Variants in UQCC1 observed in about 807,000 individuals in gnomAD.
The protein encoded by UQCC1 is ubiquinol-cytochrome c reductase complex assembly factor 1, also known as bFGF-repressed Zic-binding protein.
Under a neutral mutation model 48.0 loss-of-function variants are expected in UQCC1, and 38 were observed. That is an observed-to-expected ratio of 0.79 (90% confidence interval 0.61 to 1.04). UQCC1 has a LOEUF of 1.04. Among genes scored for constraint, UQCC1 ranks in the 50% least tolerant of loss-of-function variants. The pLI, the probability that UQCC1 is intolerant of heterozygous loss-of-function variation, is 0.00. For missense variants in UQCC1, 368 were observed against 381.8 expected, an observed-to-expected ratio of 0.96 and a Z score of 0.30; for synonymous variants, 111 against 129.2, an observed-to-expected ratio of 0.86 and a Z score of 0.95.
intron 1 of UQCC1, among the ~76,000 whole-genome samples, chr20:35,400,942 T>C (rs1242868097): frequency 6.6e-6 from 1 of 152,202 alleles, no homozygotes; most frequent in African/African-American, 2.4e-5. Context: ...ACAGGCCTGT[T>C]TCTGCATGTG....
intron 2 of UQCC1, chr20:35,386,376 T>C (rs1400564657): frequency 4.4e-6 from 2 of 452,592 alleles, no homozygotes; most frequent in African/African-American, 4.0e-5. Context: ...GAAAATGATT[T>C]TTTTTCTTTA....
chr20:35,336,878 T>C (rs1458792208), intron 7 of UQCC1, among the ~76,000 whole-genome samples: 1 of 152,216 alleles, frequency 6.6e-6, no homozygotes, highest in Non-Finnish European at 1.5e-5. Flanking sequence ...CAATAAATGT[T>C]AGCTATTACT....
chr20:35,384,081 C>T lies in UQCC1; in HGVS notation c.182G>A (p.Gly61Glu), dbSNP rs1217605856. Residue 61 changes from glycine (G) to glutamate (E), a missense_variant, in exon 3 of 10, where the codon GGA becomes GAA. Coordinates refer to ENST00000374385, the MANE Select transcript of UQCC1 (RefSeq NM_018244.5). The stretch of plus-strand genomic sequence containing the variant: ...CTTCCTATTCAGCTGTATGTCTATT[C>T]CAGGAATCTGTTCTGATCCACCACA... ...RACGGSEQIP[G>E]IDIQLNRKYH... The T allele has an allele frequency of 6.2e-7, 1 of 1,612,994 alleles. No individual in the cohort carries two copies. The highest frequency in any genetic ancestry group is 2.2e-5 in the East Asian group (1 of 44,874).
chr20:35,333,956 G>A (rs1329551131), intron 7 of UQCC1, among the ~76,000 whole-genome samples: 1 of 152,184 alleles, frequency 6.6e-6, no homozygotes, highest in African/African-American at 2.4e-5. Context: ...CTCTCCTGAA[G>A]GCCGGGGGCT....
intron 6 of UQCC1, among the ~76,000 whole-genome samples, chr20:35,349,540 C>T (rs1013063864): frequency 5.3e-5 from 8 of 152,122 alleles, no homozygotes; most frequent in Non-Finnish European, 1.0e-4. Flanking sequence ...TTGTTATACT[C>T]AACACAAACC....
intron 2 of UQCC1, among the ~76,000 whole-genome samples, chr20:35,389,330 C>T (rs1166152180): frequency 3.3e-5 from 5 of 151,866 alleles, no homozygotes; most frequent in African/African-American, 1.2e-4. Context: ...TTTGGGAGAC[C>T]GAGGCGCATA....
At chr20:35,378,126 T>C (rs553351220) in intron 4 of UQCC1, among the ~76,000 whole-genome samples, 12 of 152,320 alleles carry the variant, frequency 7.9e-5, no homozygotes, top group Non-Finnish European at 1.6e-4. Flanking sequence ...GTTGTTCTGG[T>C]CCTTGGATGA....
intron 2 of UQCC1, among the ~76,000 whole-genome samples, chr20:35,385,751 T>C (rs1237445779): frequency 2.6e-5 from 4 of 152,046 alleles, no homozygotes; most frequent in Admixed American, 6.6e-5. Flanking sequence ...GTGATCTTCC[T>C]GCCTTGAACT....
chr20:35,401,658 C>CTTTTTT lies in UQCC1; in HGVS notation c.25-7468_25-7463dup, dbSNP rs142034321. On this transcript the variant is annotated intron_variant, in intron 1 of 9. Coordinates refer to ENST00000374385, the MANE Select transcript of UQCC1 (RefSeq NM_018244.5). The stretch of plus-strand genomic sequence containing the variant: ...AATCAATTATAAACATGAAATCCAC[C>CTTTTTT]TTTTTTTTTTTTTTTTTTTTGAGAC... 4.8e-3 allele frequency among the ~76,000 whole-genome samples: 565 copies of CTTTTTT among 117,940 alleles called. 11 individuals carry two copies. Among genetic ancestry groups the CTTTTTT allele is most frequent in the African/African-American group, 0.017 (540 of 31,676 alleles). The allele number at this position is 117,940 out of a possible 152,430, so 77.4% of individuals were successfully genotyped here.
chr20:35,406,913 A>G (rs1479987768), intron 1 of UQCC1, among the ~76,000 whole-genome samples: 2 of 152,222 alleles, frequency 1.3e-5, no homozygotes, highest in Non-Finnish European at 2.9e-5. Context: ...AATCCAAACA[A>G]GACTGTTATG....
At chr20:35,396,437 T>C (rs2146520942) in intron 1 of UQCC1, among the ~76,000 whole-genome samples, 1 of 152,028 alleles carries the variant, frequency 6.6e-6, no homozygotes, top group Non-Finnish European at 1.5e-5. Context: ...GCCTCCCAAG[T>C]AGCTGGGACT....
In UQCC1 at chr20:35,303,313, C is replaced by T. The variant is rs1281835197; in HGVS notation, c.*622G>A. The T allele has an allele frequency of 6.6e-6, 1 of 152,622 alleles. No homozygotes were observed. The highest frequency in any genetic ancestry group is 1.5e-5 in the Non-Finnish European group (1 of 68,366). 9.5% of individuals were successfully genotyped at this position (152,622 alleles called of 1,614,324 possible). ...CTTGGCCTGAACAGAGACACATCTC[C>T]ATGAACTAGAGGCAAGAGCAGCAGA... is the stretch of plus-strand genomic sequence containing the variant. On this transcript the variant is annotated 3_prime_UTR_variant, in exon 10 of 10. Coordinates refer to ENST00000374385, the MANE Select transcript of UQCC1 (RefSeq NM_018244.5).
intron 4 of UQCC1, among the ~76,000 whole-genome samples, chr20:35,376,616 C>A (rs1448393993): frequency 1.3e-5 from 2 of 151,748 alleles, no homozygotes; most frequent in Admixed American, 1.3e-4. Flanking sequence ...CCCCACAATG[C>A]AAACTGCAGA....
At chr20:35,375,242 T>A (rs2061782751) in intron 4 of UQCC1, among the ~76,000 whole-genome samples, 1 of 151,994 alleles carries the variant, frequency 6.6e-6, no homozygotes. Context: ...GATACTAAGG[T>A]TTAAAGTCAC....
intron 7 of UQCC1, among the ~76,000 whole-genome samples, chr20:35,331,378 A>C (rs1241251958): frequency 6.6e-6 from 1 of 151,584 alleles, no homozygotes; most frequent in African/African-American, 2.4e-5. Flanking sequence ...TGGGCAAAGA[A>C]GTATTACAGC....
chr20:35,347,916 C>T (rs2061448510), intron 6 of UQCC1, among the ~76,000 whole-genome samples: 1 of 152,058 alleles, frequency 6.6e-6, no homozygotes, highest in Non-Finnish European at 1.5e-5. Flanking sequence ...TTTACTTTTT[C>T]AAATGTAGAT....
chr20:35,303,997 C>T lies in UQCC1; in HGVS notation c.838G>A (p.Glu280Lys). 1 of 1,614,154 alleles carries T rather than the reference C, an allele frequency of 6.2e-7. No individual in the cohort carries two copies. Among genetic ancestry groups the T allele is most frequent in the Non-Finnish European group, 8.5e-7 (1 of 1,180,004 alleles). Reference sequence around the variant, plus strand: ...TTCAGGATGCTCTGAGGATTCTTCTCCACTAGAGGGCGCCAGCTCACCTCC... The same window carrying T: ...TTCAGGATGCTCTGAGGATTCTTCTTCACTAGAGGGCGCCAGCTCACCTCC... The part of the protein sequence containing the change: ...TGEVSWRPLV[E>K]KNPQSILKPH... Residue 280 changes from glutamate to lysine, a missense_variant, in exon 10 of 10, where the codon GAG becomes AAG. Glu to Lys is a moderately conservative substitution (Grantham distance 56). Transcript: ENST00000374385.
chr20:35,347,195 T>C lies in UQCC1; in HGVS notation c.542A>G (p.Glu181Gly). The change falls in exon 7 of 10, where the codon GAG becomes GGG. Residue 181 changes from glutamate (E) to glycine (G), a missense_variant. Coordinates refer to ENST00000374385, the MANE Select transcript of UQCC1 (RefSeq NM_018244.5). ...GACTCTGCCGCGCTGCTGAACATCC[T>C]CCCACATAAAATGAACTATGATACG... ...MCRIIVHFMW[E>G]DVQQRGRVMG... 6.2e-7 allele frequency: 1 copy of C among 1,614,122 alleles called. No homozygotes were observed. The highest frequency in any genetic ancestry group is 8.5e-7 in the Non-Finnish European group (1 of 1,180,028).
chr20:35,374,191 G>T lies in UQCC1; in HGVS notation c.399C>A (p.Phe133Leu). Residue 133 changes from phenylalanine (F) to leucine (L), a missense_variant, in exon 5 of 10, where the codon TTC (phenylalanine) becomes TTA (leucine). Coordinates refer to ENST00000374385, the MANE Select transcript of UQCC1 (RefSeq NM_018244.5). The part of the protein sequence containing the change: ...SCVEKTDFEE[F>L]FLRCQMPDTF... ...TATCAAACAATAACTTACTTAGAAA[G>T]AATTCCTCGAAGTCAGTTTTCTCCA... The T allele has an allele frequency of 6.2e-7, 1 of 1,609,908 alleles. No individual in the cohort carries two copies. The highest frequency in any genetic ancestry group is 8.5e-7 in the Non-Finnish European group (1 of 1,177,080).
Sources: allele counts gnomAD v4.1 joint callset (sites outside exome capture counted in the v4.1 genomes callset), GRCh38; gene constraint gnomAD v4.1.1; transcripts MANE v1.5; gene names NCBI Gene and HGNC (gene_info 2026-07-23, HGNC 2026-07-21).